NAALAD2: variants seen among roughly 807,000 people sequenced by gnomAD.
The protein encoded by NAALAD2 is N-acetylated-alpha-linked acidic dipeptidase 2.
In NAALAD2, 89 loss-of-function variants were observed where a neutral mutation model predicts 95.6. That is an observed-to-expected ratio of 0.93 (90% CI 0.78 to 1.11). The LOEUF (loss-of-function observed/expected upper bound fraction) is 1.11. Among genes scored for constraint, NAALAD2 ranks in the 50% least tolerant of loss-of-function variants. The pLI is 0.00. For missense variants in NAALAD2, 894 were observed against 872.4 expected (o/e 1.02, Z -0.31); for synonymous variants, 264 against 294.4 (o/e 0.90, Z 1.06).
chr11:90,164,418 T>C (rs1025716540), intron 11 of NAALAD2: 1 of 152,244 alleles, frequency 6.6e-6, no homozygotes, highest in Non-Finnish European at 1.5e-5. Context: ...ATAGGTAAAC[T>C]GTGTCATGGG....
chr11:90,186,506 T>C, intron 18 of NAALAD2, among the ~76,000 whole-genome samples: 1 of 152,176 alleles, frequency 6.6e-6, no homozygotes, highest in African/African-American at 2.4e-5. Context: ...TGTGTCTTTA[T>C]AGCAGCATGA....
chr11:90,167,115 C>T (rs192998618), intron 11 of NAALAD2, among the ~76,000 whole-genome samples: 1 of 152,232 alleles, frequency 6.6e-6, no homozygotes, highest in Non-Finnish European at 1.5e-5. Flanking sequence ...TTCAGCCCGC[C>T]GCTGCACTGT....
chr11:90,166,335 G>A (rs183362452), intron 11 of NAALAD2, among the ~76,000 whole-genome samples: 12 of 152,162 alleles, frequency 7.9e-5, no homozygotes, highest in South Asian at 2.1e-4. Context: ...GAGAGAGAGC[G>A]AAAGAGTCTT....
rs1350844215 is a variant in NAALAD2 at position 90,147,422 on chromosome 11, A to C, written c.287A>C (p.Asp96Ala). 6.2e-7 allele frequency: 1 copy of C among 1,614,024 alleles called. No individual in the cohort carries two copies. Among genetic ancestry groups the C allele is most frequent in the Non-Finnish European group, 8.5e-7 (1 of 1,179,944 alleles). ...ACCCAGTGGAAGAAATTTGGACTAG[A>C]TTCAGCCAAGTTGGTTCATTATGAT... ...IQTQWKKFGLDSAKLVHYDVL... is the reference protein window; with the variant it reads ...IQTQWKKFGLASAKLVHYDVL... Residue 96 changes from aspartate (D) to alanine (A), a missense_variant, in exon 3 of 19, where the codon GAT (aspartate) becomes GCT (alanine). Transcript: ENST00000534061.
chr11:90,174,034 A>G, intron 14 of NAALAD2, 119 bp downstream of exon 14: 1 of 766,790 alleles, frequency 1.3e-6, no homozygotes, highest in Non-Finnish European at 2.2e-6. Context: ...CCAAGAAAAG[A>G]TAATGAAGAA....
In NAALAD2 at chr11:90,152,475, C is replaced by G. The variant is rs1483994531; in HGVS notation, c.787C>G (p.Pro263Ala). 2 of 1,609,322 alleles carry G rather than the reference C, an allele frequency of 1.2e-6. No individual in the cohort carries two copies. Among genetic ancestry groups the G allele is most frequent in the Non-Finnish European group, 8.5e-7 (1 of 1,176,476 alleles). ...GAGDPLTPGY[P>A]AKEYTFRLDV... Reference sequence around the variant, plus strand: ...TGGTGACCCACTCACTCCAGGCTATCCAGCAAAAGGTAAGGGATGAGCCTA... The same window carrying G: ...TGGTGACCCACTCACTCCAGGCTATGCAGCAAAAGGTAAGGGATGAGCCTA... The change falls in exon 6 of 19, where the codon CCA becomes GCA. Residue 263 changes from proline (P) to alanine (A), a missense_variant. By Grantham distance (27) the Pro-to-Ala change is conservative (BLOSUM62 -1). Transcript: ENST00000534061.
In NAALAD2 at chr11:90,182,992, G is replaced by A. The variant is rs1347235441; in HGVS notation, c.2017G>A (p.Gly673Arg). 6.2e-6 allele frequency: 10 copies of A among 1,612,606 alleles called. No homozygotes were observed. The highest frequency in any genetic ancestry group is 8.5e-6 in the Non-Finnish European group (10 of 1,178,866). ...ATTCATCGATCCTCTTGGTTTACCAGGAAAGCTGTTCTATAGGTAAGGAAA... is the reference window on the plus strand; with the variant it reads ...ATTCATCGATCCTCTTGGTTTACCAAGAAAGCTGTTCTATAGGTAAGGAAA... ...RAFIDPLGLP[G>R]KLFYRHIIFA... Residue 673 changes from glycine (G) to arginine (R), a missense_variant, in exon 18 of 19, where the codon GGA (glycine) becomes AGA (arginine). Physicochemically the swap from Gly to Arg is moderately radical, Grantham distance 125. Coordinates refer to ENST00000534061, the MANE Select transcript of NAALAD2 (RefSeq NM_005467.4).
intron 2 of NAALAD2, among the ~76,000 whole-genome samples, chr11:90,146,998 C>G (rs900435671): frequency 6.6e-6 from 1 of 152,088 alleles, no homozygotes; most frequent in Non-Finnish European, 1.5e-5. Flanking sequence ...CAAAATGTCT[C>G]TGTTCTCTGA....
intron 11 of NAALAD2, among the ~76,000 whole-genome samples, chr11:90,166,250 T>C (rs1485016601): frequency 8.7e-6 from 1 of 114,664 alleles, no homozygotes; most frequent in Non-Finnish European, 1.9e-5. Flanking sequence ...TGTTCCTCTC[T>C]GTCTGTGTGT....
intron 14 of NAALAD2, among the ~76,000 whole-genome samples, chr11:90,175,238 T>G (rs1039467482): frequency 2.6e-5 from 4 of 152,154 alleles, no homozygotes; most frequent in Admixed American, 2.0e-4. Context: ...AACTTTCACA[T>G]GCCAATTCAA....
At chr11:90,156,780 G>T (rs550912534) in intron 6 of NAALAD2, among the ~76,000 whole-genome samples, 1 of 151,906 alleles carries the variant, frequency 6.6e-6, no homozygotes, top group Non-Finnish European at 1.5e-5. Flanking sequence ...TTTAGAGATG[G>T]GTCTTGTTGT....
At chr11:90,152,993 G>A (rs375012271) in intron 6 of NAALAD2, among the ~76,000 whole-genome samples, 80 of 152,040 alleles carry the variant, frequency 5.3e-4, no homozygotes, top group African/African-American at 1.8e-3. Flanking sequence ...GCTTCCTCTC[G>A]TCTCTTTATA....
At chr11:90,180,247 A>G (rs560206684) in intron 16 of NAALAD2, among the ~76,000 whole-genome samples, 6 of 152,266 alleles carry the variant, frequency 3.9e-5, no homozygotes, top group South Asian at 4.1e-4. Context: ...TCAGTTATCT[A>G]TCTTGACTTC....
upstream of NAALAD2, among the ~76,000 whole-genome samples, chr11:90,133,829 CTTT>C (rs34638303): frequency 6.7e-6 from 1 of 149,590 alleles, no homozygotes; most frequent in African/African-American, 2.5e-5. Flanking sequence ...GAAAGAAACT[CTTT>C]TTTTTTTTGT....
chr11:90,134,973 C>G, intron 1 of NAALAD2, 133 bp downstream of exon 1: 1 of 888,074 alleles, frequency 1.1e-6, no homozygotes, highest in South Asian at 1.5e-5. Context: ...ATGATAAACT[C>G]TGCACATTTC....
chr11:90,159,267 A>G lies in NAALAD2; in HGVS notation c.919A>G (p.Lys307Glu). Residue 307 changes from lysine (K) to glutamate (E), a missense_variant, in exon 8 of 19, where the codon AAG becomes GAG. Physicochemically the swap from Lys to Glu is moderately conservative, Grantham distance 56. Transcript: ENST00000534061. ...CTTGGGAGGAATTGCTCCACCAGAT[A>G]AGAGTTGGAAGGGAGCCCTTAATGT... ...RYLGGIAPPD[K>E]SWKGALNVSY... 6.2e-7 allele frequency: 1 copy of G among 1,613,740 alleles called. No homozygotes were observed. The highest frequency in any genetic ancestry group is 8.5e-7 in the Non-Finnish European group (1 of 1,179,764).
intron 2 of NAALAD2, among the ~76,000 whole-genome samples, chr11:90,142,353 A>G (rs1241192206): frequency 6.6e-6 from 1 of 152,122 alleles, no homozygotes; most frequent in African/African-American, 2.4e-5. Flanking sequence ...GCATATACAC[A>G]TGGACGTTGC....
intron 15 of NAALAD2, 84 bp from the exon 16 acceptor site, chr11:90,177,769 A>G (rs1356812169): frequency 3.0e-6 from 4 of 1,330,742 alleles, no homozygotes; most frequent in Non-Finnish European, 4.1e-6. Context: ...TATTTTTTCT[A>G]TAGTTATTTT....
At chr11:90,163,806 GAC>G in intron 11 of NAALAD2, 189 bp downstream of exon 11, 1 of 581,800 alleles carries the variant, frequency 1.7e-6, no homozygotes, top group Non-Finnish European at 3.0e-6. Context: ...TTTAGTACTA[GAC>G]TGCAGACAGA....
Sources: gnomAD v4.1 joint callset for allele counts (sites outside exome capture counted in the v4.1 genomes callset) on GRCh38, gnomAD v4.1.1 for gene constraint, MANE v1.5 for transcripts, NCBI Gene and HGNC (gene_info 2026-07-23, HGNC 2026-07-21) for gene names.